JAZF1: variants seen among roughly 807,000 people sequenced by gnomAD.
JAZF1 encodes juxtaposed with another zinc finger protein 1.
A neutral mutation model predicts 26.4 loss-of-function variants in JAZF1; 8 were observed. The ratio of observed to expected loss-of-function variants is 0.30; its 90% CI spans 0.18 to 0.55. The LOEUF is 0.55. Ranked by LOEUF, JAZF1 falls within the 20% of genes least tolerant of loss-of-function variation. The probability of loss-of-function intolerance (pLI) is 0.94; values close to 1 mark genes in which losing one functional copy is unlikely to be tolerated. For missense variants in JAZF1, 199 were observed against 322.0 expected (o/e 0.62, Z 2.92); for synonymous variants, 126 against 122.3 (o/e 1.03, Z -0.20).
chr7:27,875,087 A>G (rs1371153318), intron 3 of JAZF1, among the ~76,000 whole-genome samples: 1 of 152,142 alleles, frequency 6.6e-6, no homozygotes, highest in Non-Finnish European at 1.5e-5. Flanking sequence ...ATTTAAGACC[A>G]TGTCTTGATT....
chr7:28,037,228 T>C (rs1317706513), intron 1 of JAZF1, among the ~76,000 whole-genome samples: 3 of 152,200 alleles, frequency 2.0e-5, no homozygotes, highest in Non-Finnish European at 4.4e-5. Context: ...AGCAATGAGA[T>C]ACAGAAGCAG....
Position 28,180,498 on chromosome 7 carries a change from G to A in JAZF1, c.80C>T (p.Ala27Val). ...GTCCTCGATGTGCTCGATGAGGTCGGCCAGGGTGGGGAAGTGGAGTCCGCA... is the reference window on the plus strand; with the variant it reads ...GTCCTCGATGTGCTCGATGAGGTCGACCAGGGTGGGGAAGTGGAGTCCGCA... ...GGCGLHFPTL[A>V]DLIEHIEDNH... Residue 27 changes from alanine (A) to valine (V), a missense_variant, in exon 1 of 5, where the codon GCC (alanine) becomes GTC (valine). Physicochemically the swap from Ala to Val is moderately conservative, Grantham distance 64. Transcript: ENST00000283928. 1 of 1,611,032 alleles carries A rather than the reference G, an allele frequency of 6.2e-7. No individual in the cohort carries two copies. Among genetic ancestry groups the A allele is most frequent in the Non-Finnish European group, 8.5e-7 (1 of 1,179,058 alleles).
intron 2 of JAZF1, among the ~76,000 whole-genome samples, chr7:27,936,083 C>T (rs996966948): frequency 3.9e-5 from 6 of 152,316 alleles, no homozygotes; most frequent in Non-Finnish European, 4.4e-5. Flanking sequence ...CAAGTAGAAA[C>T]GCTATTGTTA....
chr7:28,026,556 T>C (rs917300052), intron 1 of JAZF1, among the ~76,000 whole-genome samples: 28 of 152,152 alleles, frequency 1.8e-4, no homozygotes, highest in African/African-American at 5.1e-4. Context: ...AAAATGAATG[T>C]TGAAAATGCA....
chr7:28,015,466 CTGTACTATCTT>C (rs1287699336), intron 1 of JAZF1, among the ~76,000 whole-genome samples: 8 of 152,102 alleles, frequency 5.3e-5, no homozygotes, highest in Non-Finnish European at 7.3e-5. Context: ...TATATAAGAA[CTGTACTATCTT>C]TGTGATTTTT....
In JAZF1 at chr7:28,138,737, C is replaced by T. The variant is rs557313739; in HGVS notation, c.115+41726G>A. Reference sequence around the variant, plus strand: ...GTTACACTTGCAAAGACTGACAGTCCTGGAAGGAAACTGTAGACGTCGAGT... The same window carrying T: ...GTTACACTTGCAAAGACTGACAGTCTTGGAAGGAAACTGTAGACGTCGAGT... On this transcript the variant is annotated intron_variant, in intron 1 of 4. Transcript: ENST00000283928. 6.6e-4 allele frequency among the ~76,000 whole-genome samples: 101 copies of T among 152,222 alleles called. 3 individuals carry two copies. The Middle Eastern group carries it at 0.01, about 15-fold the overall frequency.
intron 2 of JAZF1, among the ~76,000 whole-genome samples, chr7:27,950,197 T>C (rs1784985835): frequency 6.6e-6 from 1 of 152,212 alleles, no homozygotes; most frequent in Non-Finnish European, 1.5e-5. Flanking sequence ...TGTTAAGTAA[T>C]ATAGAAGTGG....
chr7:28,014,074 G>T (rs1274124446), intron 1 of JAZF1, among the ~76,000 whole-genome samples: 1 of 114,162 alleles, frequency 8.8e-6, no homozygotes, highest in East Asian at 3.1e-4. Context: ...AAATACAGTG[G>T]TTTAAAATCC....
chr7:28,081,486 C>T (rs1399765736), intron 1 of JAZF1, among the ~76,000 whole-genome samples: 1 of 152,184 alleles, frequency 6.6e-6, no homozygotes, highest in Non-Finnish European at 1.5e-5. Flanking sequence ...CGCCATTCCC[C>T]CAGCTATTCT....
intron 1 of JAZF1, among the ~76,000 whole-genome samples, chr7:28,147,984 C>A (rs1202974909): frequency 6.6e-6 from 1 of 152,030 alleles, no homozygotes; most frequent in Non-Finnish European, 1.5e-5. Flanking sequence ...TGGTAAATTT[C>A]TTTCTTTCCT....
At chr7:27,899,968 GT>G (rs1583454459) in intron 2 of JAZF1, among the ~76,000 whole-genome samples, 1 of 152,194 alleles carries the variant, frequency 6.6e-6, no homozygotes, top group Non-Finnish European at 1.5e-5. Flanking sequence ...TCCTCTGGCG[GT>G]TTACATGGGG....
chr7:27,922,832 G>A (rs753555798), intron 2 of JAZF1, among the ~76,000 whole-genome samples: 1 of 152,170 alleles, frequency 6.6e-6, no homozygotes, highest in Non-Finnish European at 1.5e-5. Context: ...AGGTGCCAGA[G>A]CCGTCTCCTC....
chr7:27,951,648 G>T (rs1461528422), intron 2 of JAZF1, among the ~76,000 whole-genome samples: 1 of 152,172 alleles, frequency 6.6e-6, no homozygotes, highest in Non-Finnish European at 1.5e-5. Context: ...TTTAGGTCCT[G>T]ATGTTGGTGC....
intron 2 of JAZF1, among the ~76,000 whole-genome samples, chr7:27,903,015 TA>T (rs60212939): frequency 0.76 from 75,402 of 98,894 alleles, 28,854 homozygotes; most frequent in South Asian, 0.88. Context: ...GACTCCGTCT[TA>T]AAAAAAAAAA....
intron 1 of JAZF1, among the ~76,000 whole-genome samples, chr7:28,153,647 G>A (rs371770987): frequency 1.3e-5 from 2 of 152,112 alleles, no homozygotes; most frequent in Non-Finnish European, 2.9e-5. Flanking sequence ...CTCATATCTG[G>A]AACTATGTTC....
chr7:27,883,758 A>C (rs1477691482), intron 3 of JAZF1, among the ~76,000 whole-genome samples: 3 of 152,238 alleles, frequency 2.0e-5, no homozygotes, highest in Non-Finnish European at 4.4e-5. Flanking sequence ...TTCAGTCATT[A>C]ACCAATTCTC....
intron 1 of JAZF1, among the ~76,000 whole-genome samples, chr7:27,996,250 G>A (rs924467794): frequency 2.0e-5 from 3 of 152,156 alleles, no homozygotes; most frequent in Non-Finnish European, 2.9e-5. Context: ...GAAACCAGCC[G>A]CACAATGTCT....
At chr7:27,846,289 T>C (rs1783028827) in intron 3 of JAZF1, among the ~76,000 whole-genome samples, 2 of 151,956 alleles carry the variant, frequency 1.3e-5, no homozygotes. Context: ...ATCTCCTTTT[T>C]GTAAGGCTGA....
chr7:28,153,530 G>C (rs1005204819), intron 1 of JAZF1, among the ~76,000 whole-genome samples: 11 of 152,118 alleles, frequency 7.2e-5, no homozygotes, highest in Non-Finnish European at 1.5e-4. Context: ...GACGATACCA[G>C]GAAATTCTAC....
Sources: gnomAD v4.1 joint callset for allele counts (sites outside exome capture counted in the v4.1 genomes callset) on GRCh38, gnomAD v4.1.1 for gene constraint, MANE v1.5 for transcripts, NCBI Gene and HGNC (gene_info 2026-07-23, HGNC 2026-07-21) for gene names.